Variants in RBM33 observed in about 807,000 individuals in gnomAD.
The protein encoded by RBM33 is RNA binding motif protein 33, also known as RNA-binding protein 33.
A neutral mutation model predicts 132.6 loss-of-function variants in RBM33; 28 were observed. That is an observed-to-expected ratio of 0.21 (90% confidence interval 0.16 to 0.29). The LOEUF (loss-of-function observed/expected upper bound fraction) is 0.29, where lower values mean the gene tolerates loss of function less well. RBM33 is among the 10% of genes least tolerant of loss of function. RBM33 has a pLI of 1.00. For synonymous variants in RBM33, 634 were observed against 593.0 expected (o/e 1.07, Z -1.01); for missense variants, 1,291 against 1,518.5 (o/e 0.85, Z 2.49).
In RBM33 at chr7:155,687,637, T is replaced by G. The variant is rs549709212; in HGVS notation, c.567+6729T>G. 6.1e-4 allele frequency among the ~76,000 whole-genome samples: 93 copies of G among 152,354 alleles called. No homozygotes were observed. The East Asian group carries it at 0.015, about 25-fold the overall frequency. On this transcript the variant is annotated intron_variant, in intron 5 of 17. Coordinates refer to ENST00000401878, the MANE Select transcript of RBM33 (RefSeq NM_053043.3). ...CTAACATGTAAGTCTTTAATCCATC[T>G]TGAATTAATTTTCGTATAAGGTGTA...
At chr7:155,718,135 C>A (rs1800519256) in intron 8 of RBM33, among the ~76,000 whole-genome samples, 1 of 152,080 alleles carries the variant, frequency 6.6e-6, no homozygotes, top group Non-Finnish European at 1.5e-5. Flanking sequence ...TATTTTAATT[C>A]CAAATAATAG....
In RBM33 at chr7:155,745,618, T is replaced by C; in HGVS notation, c.2979+16T>C. 6.5e-7 allele frequency: 1 copy of C among 1,550,056 alleles called. No homozygotes were observed. The highest frequency in any genetic ancestry group is 8.7e-7 in the Non-Finnish European group (1 of 1,148,380). On this transcript the variant is annotated intron_variant, in intron 14 of 17. Transcript: ENST00000401878. The surrounding 1 kb of genome is among the most constrained non-coding windows in gnomAD (Gnocchi z 4.1). ...GTCAGGTGGGGTAAGTTGACAAGTTTTATGAGAGCCTCTTTGAGTCTGTGT... is the reference window on the plus strand; with the variant it reads ...GTCAGGTGGGGTAAGTTGACAAGTTCTATGAGAGCCTCTTTGAGTCTGTGT...
At chr7:155,715,744 T>C (rs1269529647) in intron 8 of RBM33, among the ~76,000 whole-genome samples, 1 of 152,236 alleles carries the variant, frequency 6.6e-6, no homozygotes, top group Admixed American at 6.5e-5. Context: ...AGCAGTTGTT[T>C]ATTCTCTAAT....
intron 9 of RBM33, among the ~76,000 whole-genome samples, chr7:155,734,997 A>G (rs1437682397): frequency 2.0e-5 from 3 of 152,180 alleles, no homozygotes; most frequent in Non-Finnish European, 4.4e-5. Context: ...TTGCACAGCT[A>G]CTCTGCAACT....
At chr7:155,655,023 A>G (rs2116873126) in intron 1 of RBM33, among the ~76,000 whole-genome samples, 1 of 152,318 alleles carries the variant, frequency 6.6e-6, no homozygotes, top group African/African-American at 2.4e-5. Context: ...TTTGGTATAG[A>G]TAATCAAGCT....
At chr7:155,766,898 A>T (rs185630106) in intron 16 of RBM33, 1 of 515,918 alleles carries the variant, frequency 1.9e-6, no homozygotes, top group African/African-American at 2.0e-5. Context: ...TGAACAGATT[A>T]TCCTTTGAGA....
At chr7:155,746,252 CAGTG>C (rs549556134) in intron 14 of RBM33, among the ~76,000 whole-genome samples, 7 of 152,276 alleles carry the variant, frequency 4.6e-5, no homozygotes, top group Non-Finnish European at 7.3e-5. Flanking sequence ...GCTTTAGACT[CAGTG>C]AGCAGCTGTG....
intron 9 of RBM33, among the ~76,000 whole-genome samples, chr7:155,728,725 GTGATGATAAAACATA>G (rs1800865330): frequency 6.6e-6 from 1 of 152,162 alleles, no homozygotes; most frequent in Non-Finnish European, 1.5e-5. Flanking sequence ...ACTTACATAT[GTGATGATAAAACATA>G]TGATTAGGGA....
intron 16 of RBM33, among the ~76,000 whole-genome samples, chr7:155,772,417 C>T (rs941303633): frequency 1.1e-4 from 17 of 152,214 alleles, no homozygotes; most frequent in African/African-American, 4.1e-4. Flanking sequence ...GACTGAGTAT[C>T]ATTCACAGGC....
At chr7:155,766,266 C>T (rs998955353) in intron 15 of RBM33, among the ~76,000 whole-genome samples, 3 of 152,224 alleles carry the variant, frequency 2.0e-5, no homozygotes, top group Admixed American at 2.0e-4. Flanking sequence ...TCTTCCTCCG[C>T]CTACACTTAA....
At chr7:155,735,404 T>C (rs1349945487) in intron 9 of RBM33, among the ~76,000 whole-genome samples, 1 of 152,222 alleles carries the variant, frequency 6.6e-6, no homozygotes, top group African/African-American at 2.4e-5. Flanking sequence ...AGTAAAGATA[T>C]TAAATATTCA....
rs1487092598 is a variant in RBM33, at chr7:155,776,360, T to C, written c.*1319T>C. On this transcript the variant is annotated 3_prime_UTR_variant, in exon 18 of 18. Coordinates refer to ENST00000401878, the MANE Select transcript of RBM33 (RefSeq NM_053043.3). This position sits in a 1 kb window ranked among gnomAD's most constrained non-coding sequence, Gnocchi z 4.0. Reference sequence around the variant, plus strand: ...CATTTACTAATAGAATTAAGGGAAATAGAAGCCCGTTCTTTCTTACTGCCC... The same window carrying C: ...CATTTACTAATAGAATTAAGGGAAACAGAAGCCCGTTCTTTCTTACTGCCC... 1.3e-5 allele frequency: 2 copies of C among 152,264 alleles called. No individual in the cohort carries two copies. The highest frequency in any genetic ancestry group is 4.8e-5 in the African/African-American group (2 of 41,456). 9.4% of individuals were successfully genotyped at this position (152,264 alleles called of 1,614,324 possible).
intron 7 of RBM33, chr7:155,707,327 A>T (rs760092759): frequency 6.7e-6 from 4 of 594,684 alleles, no homozygotes; most frequent in South Asian, 6.1e-5. Flanking sequence ...GAGCGACCTG[A>T]TGCCCTAAGA....
intron 9 of RBM33, among the ~76,000 whole-genome samples, chr7:155,729,050 C>T (rs916666850): frequency 6.6e-6 from 1 of 152,160 alleles, no homozygotes; most frequent in African/African-American, 2.4e-5. Context: ...CTCACAGTTC[C>T]GCATGGCTGG....
chr7:155,645,406 A>G (rs1798157145), intron 1 of RBM33, among the ~76,000 whole-genome samples: 1 of 152,258 alleles, frequency 6.6e-6, no homozygotes, highest in African/African-American at 2.4e-5. Context: ...GGAATGTGCG[A>G]CAGTAGGCCA....
At chr7:155,691,198 C>T (rs539514179) in intron 5 of RBM33, among the ~76,000 whole-genome samples, 1 of 152,312 alleles carries the variant, frequency 6.6e-6, no homozygotes, top group South Asian at 2.1e-4. Flanking sequence ...AACTTCTCTT[C>T]TGGCTTCATT....
intron 12 of RBM33, among the ~76,000 whole-genome samples, chr7:155,740,872 A>G (rs1437264115): frequency 6.6e-6 from 1 of 152,084 alleles, no homozygotes; most frequent in Non-Finnish European, 1.5e-5. Context: ...CCTCCATTAA[A>G]TATATATGAG....
In RBM33 at chr7:155,711,266, C is replaced by T. The variant is rs745948682; in HGVS notation, c.1012C>T (p.Pro338Ser). 1.9e-6 allele frequency: 3 copies of T among 1,603,520 alleles called. No individual in the cohort carries two copies. The highest frequency in any genetic ancestry group is 1.3e-5 in the African/African-American group (1 of 74,260). ...QQQPIRSLFQ[P>S]QPLQPLLPVQ... is the part of the protein sequence containing the mutation. ...GCAGCCGATCAGAAGCCTGTTCCAGCCGCAGCCGCTGCAGCCGCTGCTTCC... is the reference window on the plus strand; with the variant it reads ...GCAGCCGATCAGAAGCCTGTTCCAGTCGCAGCCGCTGCAGCCGCTGCTTCC... The change falls in exon 8 of 18, where the codon CCG (proline) becomes TCG (serine). Residue 338 changes from proline (P) to serine (S), a missense_variant. Around this residue, in one of 7 missense-constraint regions of RBM33, gnomAD observed 146 missense variants for 137.1 expected, o/e 1.07. Transcript: ENST00000401878.
intron 7 of RBM33, among the ~76,000 whole-genome samples, chr7:155,710,922 T>C (rs1800265981): frequency 6.6e-6 from 1 of 152,022 alleles, no homozygotes; most frequent in Admixed American, 6.5e-5. Flanking sequence ...TTTTTTTTTT[T>C]TTCAAAATTC....
Sources: allele counts gnomAD v4.1 joint callset (sites outside exome capture counted in the v4.1 genomes callset), GRCh38; gene constraint gnomAD v4.1.1; regional missense constraint gnomAD v4.1.1; non-coding constraint Gnocchi (gnomAD v3.1); transcripts MANE v1.5; gene names NCBI Gene and HGNC (gene_info 2026-07-23, HGNC 2026-07-21).